Variants in AMOTL1 observed in about 807,000 individuals in gnomAD.
AMOTL1 encodes angiomotin-like protein 1.
A neutral mutation model predicts 102.9 loss-of-function variants in AMOTL1; 45 were observed. The ratio of observed to expected loss-of-function variants is 0.44; its 90% CI spans 0.34 to 0.56. The LOEUF (loss-of-function observed/expected upper bound fraction) is 0.56. Ranked by LOEUF, AMOTL1 falls within the 20% of genes least tolerant of loss-of-function variation. The pLI, the probability that AMOTL1 is intolerant of heterozygous loss-of-function variation, is 0.01. For missense variants in AMOTL1, 1,114 were observed against 1,225.6 expected (o/e 0.91, Z 1.36); for synonymous variants, 481 against 484.7 (o/e 0.99, Z 0.10).
At chr11:94,857,356 G>A (rs555916908) in intron 8 of AMOTL1, among the ~76,000 whole-genome samples, 13 of 152,272 alleles carry the variant, frequency 8.5e-5, no homozygotes, top group African/African-American at 2.9e-4. Context: ...CCCTTATCCC[G>A]GATTTTCTAG....
intron 6 of AMOTL1, among the ~76,000 whole-genome samples, chr11:94,845,422 C>T (rs911236215): frequency 3.3e-5 from 5 of 152,272 alleles, no homozygotes; most frequent in South Asian, 2.1e-4. Flanking sequence ...GTTTTCTATT[C>T]GTCAAATGGG....
upstream of AMOTL1, among the ~76,000 whole-genome samples, chr11:94,766,378 A>G (rs939584731): frequency 2.6e-5 from 4 of 152,216 alleles, no homozygotes; most frequent in Non-Finnish European, 5.9e-5. Flanking sequence ...ATCTTGCCAA[A>G]AAGGATACTG....
chr11:94,728,367 A>C (rs1464217423), intron 1 of AMOTL1, among the ~76,000 whole-genome samples: 1 of 152,140 alleles, frequency 6.6e-6, no homozygotes, highest in African/African-American at 2.4e-5. Flanking sequence ...GAAAAGGAAA[A>C]TTGGTCTCCA....
intron 6 of AMOTL1, among the ~76,000 whole-genome samples, chr11:94,849,384 G>A (rs1952483697): frequency 3.3e-5 from 5 of 152,078 alleles, no homozygotes; most frequent in Admixed American, 1.3e-4. Flanking sequence ...TGACACTATC[G>A]ACGCTGCCTG....
chr11:94,741,728 T>C (rs1950530274), intron 3 of AMOTL1, among the ~76,000 whole-genome samples: 1 of 152,010 alleles, frequency 6.6e-6, no homozygotes, highest in Non-Finnish European at 1.5e-5. Flanking sequence ...CTTTTTTTTT[T>C]CTTCTGCTTT....
At chr11:94,824,569 A>C (rs1951929161) in intron 4 of AMOTL1, among the ~76,000 whole-genome samples, 1 of 152,338 alleles carries the variant, frequency 6.6e-6, no homozygotes, top group South Asian at 2.1e-4. Context: ...TTCGTGACGT[A>C]ACATTTTGTG....
intron 1 of AMOTL1, among the ~76,000 whole-genome samples, chr11:94,727,625 G>C (rs181460048): frequency 6.1e-4 from 93 of 152,270 alleles, no homozygotes; most frequent in African/African-American, 2.2e-3. Flanking sequence ...ATTAAGCCCA[G>C]AGAAAGTAAC....
rs144415915 is a variant in AMOTL1, at chr11:94,742,294, G to A, written c.136+1306G>A. Among the ~76,000 whole-genome samples the A allele has an allele frequency of 6.6e-5, 10 of 152,350 alleles. No homozygotes were observed. In the East Asian group the frequency reaches 9.6e-4, roughly 15 times the overall value. On this transcript the variant is annotated intron_variant, in intron 3 of 4. Transcript: ENST00000299004. ...TGATTTATTAAGAGGACAGGTACTC[G>A]ATGATCTGCTCCACGCATGTATAAT...
At chr11:94,724,400 G>A (rs558612842) in intron 1 of AMOTL1, among the ~76,000 whole-genome samples, 7 of 152,234 alleles carry the variant, frequency 4.6e-5, no homozygotes, top group South Asian at 2.1e-4. Context: ...TCACAGAAGC[G>A]TTAAAAAATG....
At position 94,876,668 on chromosome 11, in the gene AMOTL1, A is replaced by G. The variant is rs943407256; in HGVS notation, c.*5873A>G. On this transcript the variant is annotated 3_prime_UTR_variant, in exon 13 of 13. Coordinates refer to ENST00000433060, the MANE Select transcript of AMOTL1 (RefSeq NM_130847.3). ...CATAATAAATGGATAAAATGGCAAA[A>G]TGACTCTTTTCTCTCGCTTGCTCCT... is the stretch of plus-strand genomic sequence containing the variant. 1.3e-5 allele frequency: 2 copies of G among 152,682 alleles called. No homozygotes were observed. Among genetic ancestry groups the G allele is most frequent in the Non-Finnish European group, 2.9e-5 (2 of 68,060 alleles). The allele number at this position is 152,682 out of a possible 1,614,324, so 9.5% of individuals were successfully genotyped here.
intron 1 of AMOTL1, among the ~76,000 whole-genome samples, chr11:94,773,314 T>C (rs756772081): frequency 2.0e-5 from 3 of 152,242 alleles, no homozygotes; most frequent in Non-Finnish European, 4.4e-5. Context: ...CTCAGACATT[T>C]TCTGCTGTGT....
intron 3 of AMOTL1, among the ~76,000 whole-genome samples, chr11:94,805,180 A>C (rs563601960): frequency 6.6e-6 from 1 of 152,228 alleles, no homozygotes; most frequent in East Asian, 1.9e-4. Context: ...GTGAATTTCT[A>C]ATCAGATTTA....
In AMOTL1 at chr11:94,831,549, T is replaced by G; in HGVS notation, c.1648+8T>G. The G allele has an allele frequency of 6.2e-7, 1 of 1,607,178 alleles. No homozygotes were observed. Among genetic ancestry groups the G allele is most frequent in the African/African-American group, 1.3e-5 (1 of 74,694 alleles). ...GGCATTATGCTTCCCAGAGTGAGTC[T>G]CCACTTATTTATTATCCCAAAGTTT... On this transcript the variant is annotated splice_region_variant and intron_variant, in intron 6 of 12. Transcript: ENST00000433060.
intron 6 of AMOTL1, among the ~76,000 whole-genome samples, chr11:94,845,669 A>G (rs1159533219): frequency 1.3e-5 from 2 of 152,224 alleles, no homozygotes; most frequent in Non-Finnish European, 2.9e-5. Context: ...CATGTGTCCA[A>G]GGTGAGCTGC....
At chr11:94,768,621 C>T in intron 1 of AMOTL1, 61 bp downstream of exon 1, 1 of 1,555,176 alleles carries the variant, frequency 6.4e-7, no homozygotes, top group Non-Finnish European at 8.7e-7. Flanking sequence ...GCGAAGAACC[C>T]AGTCGCCCCG....
At chr11:94,772,296 A>G (rs1950963399) in intron 1 of AMOTL1, among the ~76,000 whole-genome samples, 1 of 149,574 alleles carries the variant, frequency 6.7e-6, no homozygotes, top group Admixed American at 6.6e-5. Flanking sequence ...CGCTACCACA[A>G]TCAAGGTACA....
intron 11 of AMOTL1, among the ~76,000 whole-genome samples, chr11:94,868,475 C>A (rs557241625): frequency 3.3e-5 from 5 of 152,298 alleles, no homozygotes; most frequent in African/African-American, 1.2e-4. Flanking sequence ...CTCTTCCCCA[C>A]CCCAGCCTCA....
At chr11:94,748,615 C>T (rs1051490765) in intron 3 of AMOTL1, among the ~76,000 whole-genome samples, 2 of 152,152 alleles carry the variant, frequency 1.3e-5, no homozygotes, top group Non-Finnish European at 2.9e-5. Context: ...TTTAGCTCCA[C>T]CTCTTACTTG....
At chr11:94,838,866 A>G (rs2135681057) in intron 6 of AMOTL1, among the ~76,000 whole-genome samples, 1 of 152,234 alleles carries the variant, frequency 6.6e-6, no homozygotes, top group East Asian at 1.9e-4. Context: ...AGGATTCACA[A>G]TTAGCTAATG....
Sources: allele counts gnomAD v4.1 joint callset (sites outside exome capture counted in the v4.1 genomes callset), GRCh38; gene constraint gnomAD v4.1.1; transcripts MANE v1.5; gene names NCBI Gene and HGNC (gene_info 2026-07-23, HGNC 2026-07-21).